DNAH14: variants seen among roughly 807,000 people sequenced by gnomAD.
DNAH14 encodes axonemal beta dynein heavy chain 14.
Under a neutral mutation model 520.9 loss-of-function variants are expected in DNAH14, and 478 were observed. The ratio of observed to expected loss-of-function variants is 0.92; its 90% CI spans 0.85 to 0.99. The LOEUF is 0.99. DNAH14 is among the 50% of genes least tolerant of loss of function. The probability of loss-of-function intolerance (pLI) is 0.00; values close to 1 mark genes in which losing one functional copy is unlikely to be tolerated. For synonymous variants in DNAH14, 1,581 were observed against 1,757.2 expected, an observed-to-expected ratio of 0.90 and a Z score of 2.51; for missense variants, 4,831 against 5,234.5, an observed-to-expected ratio of 0.92 and a Z score of 2.38.
chr1:225,304,382 C>A (rs928043731), intron 57 of DNAH14, among the ~76,000 whole-genome samples: 13 of 152,080 alleles, frequency 8.5e-5, no homozygotes, highest in African/African-American at 2.9e-4. Context: ...CATAGTGAGA[C>A]CCTGTCTCTA....
At chr1:224,977,229 A>G (rs1471680670) in intron 8 of DNAH14, among the ~76,000 whole-genome samples, 1 of 151,794 alleles carries the variant, frequency 6.6e-6, no homozygotes, top group Non-Finnish European at 1.5e-5. Context: ...TCAGTAGACT[A>G]TCGCAAGAAC....
At chr1:224,960,643 G>A (rs1031739325) in intron 4 of DNAH14, among the ~76,000 whole-genome samples, 2 of 151,872 alleles carry the variant, frequency 1.3e-5, no homozygotes, top group Admixed American at 1.3e-4. Context: ...TTATGCCTTT[G>A]CCTGATAGAG....
At chr1:225,143,638 C>T (rs2079648297) in intron 28 of DNAH14, among the ~76,000 whole-genome samples, 1 of 152,036 alleles carries the variant, frequency 6.6e-6, no homozygotes, top group Non-Finnish European at 1.5e-5. Flanking sequence ...GTACCTGCCT[C>T]CACTTGTAAT....
At chr1:225,211,229 A>T (rs2088364689) in intron 41 of DNAH14, among the ~76,000 whole-genome samples, 1 of 152,214 alleles carries the variant, frequency 6.6e-6, no homozygotes, top group South Asian at 2.1e-4. Context: ...GCATGTTCCA[A>T]CCCAATGCCA....
chr1:225,381,279 C>G, intron 80 of DNAH14, 104 bp from the exon 81 acceptor site: 1 of 1,170,718 alleles, frequency 8.5e-7, no homozygotes, highest in Non-Finnish European at 1.2e-6. Flanking sequence ...AACCCCTGGT[C>G]AAGACACACA....
Position 225,308,362 on chromosome 1 carries a change from T to G in DNAH14, c.9192T>G (p.Asp3064Glu), listed in dbSNP as rs1324138287. 1.9e-6 allele frequency: 3 copies of G among 1,542,440 alleles called. No homozygotes were observed. The highest frequency in any genetic ancestry group is 2.0e-5 in the Admixed American group (1 of 48,874). Residue 3064 changes from aspartate to glutamate, a missense_variant, in exon 60 of 86, where the codon GAT (aspartate) becomes GAG (glutamate). Physicochemically the swap from Asp to Glu is conservative, Grantham distance 45. Coordinates refer to ENST00000682510, the MANE Select transcript of DNAH14 (RefSeq NM_001367479.1). Reference sequence around the variant, plus strand: ...AAGTTCAGATGCTTGTTAAACAGGATGAAGAAATTGTGGCAGAAGAAGTAA... The same window carrying G: ...AAGTTCAGATGCTTGTTAAACAGGAGGAAGAAATTGTGGCAGAAGAAGTAA... ...VEKVQMLVKQDEEIVAEEVRI... is the reference protein window; with the variant it reads ...VEKVQMLVKQEEEIVAEEVRI...
chr1:224,984,871 T>A (rs2062520760), intron 8 of DNAH14, among the ~76,000 whole-genome samples: 1 of 152,070 alleles, frequency 6.6e-6, no homozygotes, highest in Non-Finnish European at 1.5e-5. Context: ...GAAAAAATGC[T>A]CAACATCACT....
chr1:225,263,102 T>C (rs1330986084), intron 46 of DNAH14, among the ~76,000 whole-genome samples: 2 of 151,854 alleles, frequency 1.3e-5, no homozygotes, highest in African/African-American at 4.8e-5. Flanking sequence ...AGCCTAGTAT[T>C]GTTTGAATTA....
At chr1:225,069,937 G>T (rs1336203446) in intron 17 of DNAH14, among the ~76,000 whole-genome samples, 1 of 152,048 alleles carries the variant, frequency 6.6e-6, no homozygotes, top group Non-Finnish European at 1.5e-5. Flanking sequence ...AGTCTTGGGA[G>T]GGTGTGTGTG....
intron 28 of DNAH14, among the ~76,000 whole-genome samples, chr1:225,143,050 C>G (rs2079596655): frequency 1.3e-5 from 2 of 152,018 alleles, no homozygotes; most frequent in African/African-American, 4.8e-5. Flanking sequence ...ACTTTCTAAA[C>G]TGCTTTGGAC....
At chr1:225,012,183 A>G (rs2064830469) in intron 10 of DNAH14, among the ~76,000 whole-genome samples, 1 of 152,132 alleles carries the variant, frequency 6.6e-6, no homozygotes, top group South Asian at 2.1e-4. Flanking sequence ...TTGTCTTTAA[A>G]GGATATTATT....
In DNAH14 at chr1:225,290,073, CAT is replaced by C; in HGVS notation, c.8462_8463del (p.Ile2821ArgfsTer20). 1 of 1,464,516 alleles carries C rather than the reference CAT, an allele frequency of 6.8e-7. No individual in the cohort carries two copies. Among genetic ancestry groups the C allele is most frequent in the Non-Finnish European group, 9.1e-7 (1 of 1,100,078 alleles). 90.7% of individuals were successfully genotyped at this position (1,464,516 alleles called of 1,614,324 possible). On this transcript the variant is annotated frameshift_variant, in exon 55 of 86. Coordinates refer to ENST00000682510, the MANE Select transcript of DNAH14 (RefSeq NM_001367479.1). LOFTEE classifies it high-confidence loss of function. ...PTVLMVPNLN[I>X]EQDSFLEDLN... ...CTGTTCTGATGGTTCCCAATTTAAA[CAT>C]AGAACAAGTAAGTACTTTTTGTCTT...
At chr1:225,173,115 G>T (rs1287787310) in intron 36 of DNAH14, among the ~76,000 whole-genome samples, 1 of 152,072 alleles carries the variant, frequency 6.6e-6, no homozygotes, top group South Asian at 2.1e-4. Context: ...AATTCAAGAT[G>T]GATTAAAGAC....
chr1:225,204,071 C>T, intron 38 of DNAH14, 112 bp from the exon 39 acceptor site: 1 of 541,388 alleles, frequency 1.8e-6, no homozygotes, highest in South Asian at 3.4e-5. Flanking sequence ...AGTTACAGAA[C>T]CCTCTGCCTT....
At chr1:224,999,486 T>G (rs2063609630) in intron 8 of DNAH14, among the ~76,000 whole-genome samples, 1 of 152,178 alleles carries the variant, frequency 6.6e-6, no homozygotes, top group Non-Finnish European at 1.5e-5. Context: ...ATTACAGGTG[T>G]GAGCCACTGT....
intron 47 of DNAH14, among the ~76,000 whole-genome samples, chr1:225,264,608 A>T (rs2093049878): frequency 6.6e-6 from 1 of 152,238 alleles, no homozygotes; most frequent in African/African-American, 2.4e-5. Flanking sequence ...AAAAGGTATG[A>T]TTCTGTAGGA....
chr1:225,055,241 G>A (rs952315191), intron 17 of DNAH14, among the ~76,000 whole-genome samples: 2 of 151,930 alleles, frequency 1.3e-5, no homozygotes, highest in Admixed American at 6.6e-5. Flanking sequence ...TCTCAAGAAT[G>A]GTGTCGTTTT....
chr1:225,242,663 G>A (rs1411778597), intron 43 of DNAH14, among the ~76,000 whole-genome samples: 1 of 152,122 alleles, frequency 6.6e-6, no homozygotes, highest in East Asian at 1.9e-4. Context: ...AATAGAAGGA[G>A]TGCACTCTAA....
intron 12 of DNAH14, among the ~76,000 whole-genome samples, chr1:225,039,752 C>T (rs1225549041): frequency 4.0e-5 from 6 of 148,530 alleles, no homozygotes; most frequent in Non-Finnish European, 6.0e-5. Flanking sequence ...GTGGCGGGCG[C>T]CTGTAGTCCC....
Sources: allele counts gnomAD v4.1 joint callset (sites outside exome capture counted in the v4.1 genomes callset), GRCh38; gene constraint gnomAD v4.1.1; transcripts MANE v1.5; gene names NCBI Gene and HGNC (gene_info 2026-07-23, HGNC 2026-07-21).